The following EVL variants were observed in gnomAD, a reference collection of about 807,000 sequenced individuals.
The protein encoded by EVL is Enah/Vasp-like.
Under a neutral mutation model 59.6 loss-of-function variants are expected in EVL, and 21 were observed. The observed-to-expected ratio is 0.35, with a 90% confidence interval of 0.25 to 0.51. The LOEUF (loss-of-function observed/expected upper bound fraction) is 0.51. Ranked by LOEUF, EVL falls within the 20% of genes least tolerant of loss-of-function variation. The probability of loss-of-function intolerance (pLI) is 0.97; values close to 1 mark genes in which losing one functional copy is unlikely to be tolerated. For missense variants in EVL, 462 were observed against 546.6 expected, an observed-to-expected ratio of 0.85 and a Z score of 1.54; for synonymous variants, 198 against 203.5, an observed-to-expected ratio of 0.97 and a Z score of 0.23.
chr14:100,112,135 C>T (rs2140347877), intron 3 of EVL, among the ~76,000 whole-genome samples: 1 of 152,352 alleles, frequency 6.6e-6, no homozygotes, highest in East Asian at 1.9e-4. Flanking sequence ...CTCCTGCCAG[C>T]TTCAGCTCAT....
At chr14:100,060,874 G>T (rs1358499198), upstream of EVL, among the ~76,000 whole-genome samples, 3 of 151,648 alleles carry the variant, frequency 2.0e-5, no homozygotes, top group Admixed American at 2.0e-4. Flanking sequence ...AAAGGAAAAG[G>T]GATCCATTGC....
At chr14:100,032,924 A>AT (rs2061336189) in intron 1 of EVL, among the ~76,000 whole-genome samples, 1 of 151,676 alleles carries the variant, frequency 6.6e-6, no homozygotes, top group African/African-American at 2.4e-5. Context: ...TTGTTTATTC[A>AT]TTTTTATTAC....
chr14:100,097,837 A>C (rs1885926462), intron 3 of EVL, 179 bp downstream of exon 3: 1 of 542,578 alleles, frequency 1.8e-6, no homozygotes, highest in Non-Finnish European at 3.2e-6. Flanking sequence ...AATTCAGAGG[A>C]GGAAAGAATG....
chr14:100,068,570 G>C (rs993620552), intron 1 of EVL, among the ~76,000 whole-genome samples: 4 of 152,222 alleles, frequency 2.6e-5, no homozygotes, highest in Non-Finnish European at 5.9e-5. Flanking sequence ...AGTCATCCAG[G>C]TAAGAGGTGA....
At chr14:99,988,856 T>C (rs1303524069) in intron 1 of EVL, among the ~76,000 whole-genome samples, 2 of 152,146 alleles carry the variant, frequency 1.3e-5, no homozygotes, top group East Asian at 1.9e-4. Flanking sequence ...ATGTCCAGAA[T>C]AGGCAAATCT....
chr14:100,081,473 T>A (rs2062302706), intron 1 of EVL, among the ~76,000 whole-genome samples: 1 of 144,310 alleles, frequency 6.9e-6, no homozygotes, highest in Non-Finnish European at 1.5e-5. Flanking sequence ...GGGTTTTGGT[T>A]AACCACAAGT....
chr14:99,999,869 G>A (rs1490655906), intron 1 of EVL, among the ~76,000 whole-genome samples: 1 of 152,152 alleles, frequency 6.6e-6, no homozygotes, highest in African/African-American at 2.4e-5. Flanking sequence ...GGGGCTCTGT[G>A]CTCATTTGTC....
At chr14:99,994,031 A>G (rs1276661095) in intron 1 of EVL, among the ~76,000 whole-genome samples, 1 of 127,110 alleles carries the variant, frequency 7.9e-6, no homozygotes, top group Non-Finnish European at 1.6e-5. Flanking sequence ...TAGGTTGTAT[A>G]TTTTTAGGAA....
chr14:100,038,560 C>G (rs551816715), intron 1 of EVL, among the ~76,000 whole-genome samples: 1 of 152,254 alleles, frequency 6.6e-6, no homozygotes, highest in Non-Finnish European at 1.5e-5. Flanking sequence ...TTGCATTTCA[C>G]TTGTCCCTTT....
intron 1 of EVL, among the ~76,000 whole-genome samples, chr14:99,982,900 G>C (rs150084566): frequency 6.6e-6 from 1 of 152,152 alleles, no homozygotes; most frequent in South Asian, 2.1e-4. Context: ...AGCAATTTAC[G>C]TAACCTTTAT....
Position 100,132,226 on chromosome 14 carries a change from C to T in EVL, c.840-493C>T, listed in dbSNP as rs181892389. Among the ~76,000 whole-genome samples the T allele has an allele frequency of 1.4e-3, 208 of 149,834 alleles. 7 individuals carry two copies. In the East Asian group the frequency reaches 0.032, roughly 23 times the overall value. On this transcript the variant is annotated intron_variant, in intron 7 of 13. Coordinates refer to ENST00000392920, the MANE Select transcript of EVL (RefSeq NM_016337.3). ...GGCTCCTCTTCTGAGCATTTCCAGGCTCTGAGTGGCATTCTAGATTGGGGA... is the reference window on the plus strand; with the variant it reads ...GGCTCCTCTTCTGAGCATTTCCAGGTTCTGAGTGGCATTCTAGATTGGGGA...
intron 9 of EVL, chr14:100,137,242 G>A (rs113590659): frequency 1.9e-5 from 7 of 359,068 alleles, no homozygotes; most frequent in African/African-American, 8.1e-5. Context: ...CACACCACAC[G>A]TGGGAGCAAG....
intron 1 of EVL, among the ~76,000 whole-genome samples, chr14:100,035,607 C>T (rs1205204265): frequency 6.6e-6 from 1 of 152,120 alleles, no homozygotes; most frequent in Non-Finnish European, 1.5e-5. Context: ...TGTTTTCTAG[C>T]ACCTGGCCAA....
chr14:100,101,351 C>T (rs1006349509), intron 3 of EVL, among the ~76,000 whole-genome samples: 3 of 152,278 alleles, frequency 2.0e-5, no homozygotes, highest in Admixed American at 6.5e-5. Context: ...CATGATGGTG[C>T]GTGCCTGTAA....
At chr14:100,139,080 G>A (rs1399438097) in intron 11 of EVL, 1 of 152,426 alleles carries the variant, frequency 6.6e-6, no homozygotes, top group African/African-American at 2.4e-5. Context: ...GAGGCACAGG[G>A]TGCCATGGTG....
At chr14:100,038,686 A>G (rs2061422616) in intron 1 of EVL, among the ~76,000 whole-genome samples, 1 of 151,302 alleles carries the variant, frequency 6.6e-6, no homozygotes, top group South Asian at 2.1e-4. Flanking sequence ...ATATCCCTCA[A>G]CTCTTGGCAG....
intron 4 of EVL, among the ~76,000 whole-genome samples, chr14:100,124,305 C>T (rs1887889674): frequency 1.3e-5 from 2 of 152,194 alleles, no homozygotes; most frequent in South Asian, 4.1e-4. Flanking sequence ...TTATGTCCAG[C>T]CCTGGACTAG....
rs57005382 is a variant in EVL, at chr14:100,125,122, CCACA to C, written c.422+1546_422+1549del. ...CACACACACCTGCCCCAAGGCGGGA[CCACA>C]CACACACACACACACACACACACAC... On this transcript the variant is annotated intron_variant, in intron 4 of 13. Coordinates refer to ENST00000392920, the MANE Select transcript of EVL (RefSeq NM_016337.3). Among the ~76,000 whole-genome samples, 784 of 103,070 alleles carry C rather than the reference CCACA, an allele frequency of 7.6e-3. 36 individuals carry two copies. The highest frequency in any genetic ancestry group is 0.03 in the African/African-American group (622 of 20,992). 67.6% of individuals were successfully genotyped at this position (103,070 alleles called of 152,430 possible).
At chr14:99,973,661 C>T (rs113944444) in intron 1 of EVL, among the ~76,000 whole-genome samples, 11,465 of 152,248 alleles carry the variant, frequency 0.075, 533 homozygotes, top group Non-Finnish European at 0.1. Flanking sequence ...CGGGGTTTCA[C>T]CATGTTGGCC....
Sources: allele counts gnomAD v4.1 joint callset (sites outside exome capture counted in the v4.1 genomes callset), GRCh38; gene constraint gnomAD v4.1.1; transcripts MANE v1.5; gene names NCBI Gene and HGNC (gene_info 2026-07-23, HGNC 2026-07-21).